Variants in PCDH11X observed in about 807,000 individuals in gnomAD.
PCDH11X encodes protocadherin-11 X-linked.
A neutral mutation model predicts 53.3 loss-of-function variants in PCDH11X; 18 were observed. The observed-to-expected ratio is 0.34, with a 90% CI of 0.23 to 0.50. The LOEUF (loss-of-function observed/expected upper bound fraction) is 0.50. Among genes scored for constraint, PCDH11X ranks in the 20% least tolerant of loss-of-function variants. The probability of loss-of-function intolerance (pLI) is 0.98; values close to 1 mark genes in which losing one functional copy is unlikely to be tolerated. For missense variants in PCDH11X, 570 were observed against 1,032.4 expected (o/e 0.55, Z 6.14); for synonymous variants, 279 against 393.3 (o/e 0.71, Z 3.44).
In PCDH11X at chrX:92,256,673, A is replaced by G. The variant is rs184746687; in HGVS notation, c.3115-6441A>G. Reference sequence around the variant, plus strand: ...ATCTCATTACCTAAATAGTAAGTTCAGCATCCATTAGCTATTCTTCTTGAT... The same window carrying G: ...ATCTCATTACCTAAATAGTAAGTTCGGCATCCATTAGCTATTCTTCTTGAT... On this transcript the variant is annotated intron_variant, in intron 7 of 10. Transcript: ENST00000682573. 9.0e-5 allele frequency among the ~76,000 whole-genome samples: 10 copies of G among 111,326 alleles called. 1 individual carries two copies. Among genetic ancestry groups the G allele is most frequent in the African/African-American group, 1.6e-4 (5 of 30,615 alleles).
At chrX:92,610,117 TGA>T (rs1340636227) in intron 10 of PCDH11X, among the ~76,000 whole-genome samples, 2 of 111,668 alleles carry the variant, frequency 1.8e-5, no homozygotes, top group African/African-American at 6.5e-5. Flanking sequence ...TACTCAGTAA[TGA>T]GAGTTTCTGG....
chrX:92,574,628 C>T (rs985634501), intron 10 of PCDH11X, among the ~76,000 whole-genome samples: 1 of 111,251 alleles, frequency 9.0e-6, no homozygotes, highest in Non-Finnish European at 1.9e-5. Flanking sequence ...AAATGCCCTT[C>T]AAGTATTTTT....
intron 6 of PCDH11X, among the ~76,000 whole-genome samples, chrX:91,946,487 T>C (rs1168949259): frequency 3.2e-5 from 3 of 94,114 alleles, no homozygotes; most frequent in Non-Finnish European, 4.2e-5. Context: ...ATAAAAAATA[T>C]AAGAAAGCTG....
chrX:92,570,526 T>A (rs1010657969), intron 10 of PCDH11X, among the ~76,000 whole-genome samples: 3 of 106,747 alleles, frequency 2.8e-5, no homozygotes, highest in African/African-American at 1.0e-4. Flanking sequence ...CTCTTCACTG[T>A]ATGCAAAAGT....
At chrX:92,264,995 G>A (rs2067796390) in intron 8 of PCDH11X, among the ~76,000 whole-genome samples, 1 of 107,067 alleles carries the variant, frequency 9.3e-6, no homozygotes, top group African/African-American at 3.4e-5. Flanking sequence ...AAATCTGCAA[G>A]GATCTCAAAA....
At chrX:91,812,790 A>G (rs1936332813) in intron 4 of PCDH11X, among the ~76,000 whole-genome samples, 1 of 110,832 alleles carries the variant, frequency 9.0e-6, no homozygotes, top group Non-Finnish European at 1.9e-5. Context: ...CTCTGCTCCT[A>G]CCAGTTTCCC....
At chrX:92,086,818 G>A (rs1017373002) in intron 6 of PCDH11X, among the ~76,000 whole-genome samples, 24 of 109,839 alleles carry the variant, frequency 2.2e-4, no homozygotes, top group Non-Finnish European at 4.0e-4. Context: ...TACTTTTGAG[G>A]GTAAACAGCC....
chrX:92,144,743 G>T (rs773551357), intron 6 of PCDH11X, among the ~76,000 whole-genome samples: 33 of 109,733 alleles, frequency 3.0e-4, no homozygotes, highest in Non-Finnish European at 5.3e-4. Flanking sequence ...ATTTAGCTCT[G>T]AATTTTTCTT....
rs3865941 is a variant in PCDH11X at position 92,619,408 on chromosome X, T to C, written c.*468T>C. The C allele has an allele frequency of 0.24, 33,220 of 137,691 alleles. 3,350 individuals are homozygous for C. Among genetic ancestry groups the C allele is most frequent in the African/African-American group, 0.37 (11,096 of 30,329 alleles). 11.3% of individuals were successfully genotyped at this position (137,691 alleles called of 1,213,427 possible). A position where few individuals can be genotyped will look rare whatever the true frequency, so the allele number is the denominator to read the frequency against. ...CGTACTCTAGCCTTTTTTTGGGCTT[T>C]CTTTTTGATTTTTGTTTGTTGTTTT... On this transcript the variant is annotated 3_prime_UTR_variant, in exon 11 of 11. Coordinates refer to ENST00000682573, the MANE Select transcript of PCDH11X (RefSeq NM_032968.5).
chrX:91,968,933 C>T (rs1005976177), intron 6 of PCDH11X, among the ~76,000 whole-genome samples: 2 of 111,412 alleles, frequency 1.8e-5, no homozygotes, highest in Admixed American at 9.6e-5. Context: ...AAAAAAGGCA[C>T]GTCTTAATTT....
intron 6 of PCDH11X, among the ~76,000 whole-genome samples, chrX:91,960,976 G>C (rs1490893444): frequency 3.0e-5 from 3 of 99,646 alleles, no homozygotes; most frequent in Non-Finnish European, 6.1e-5. Context: ...GCACCATATT[G>C]TTTTGTTTAC....
intron 6 of PCDH11X, among the ~76,000 whole-genome samples, chrX:92,104,461 C>T (rs958904835): frequency 9.0e-6 from 1 of 110,792 alleles, no homozygotes; most frequent in African/African-American, 3.3e-5. Flanking sequence ...ACGTCAGGCA[C>T]CTCAGACCAT....
chrX:92,521,992 A>G (rs1331929258), intron 10 of PCDH11X, among the ~76,000 whole-genome samples: 1 of 112,385 alleles, frequency 8.9e-6, no homozygotes, highest in Non-Finnish European at 1.9e-5. Flanking sequence ...TCTTCTGTTC[A>G]GACCACTAAA....
At chrX:92,219,408 C>A (rs1603202133) in intron 7 of PCDH11X, among the ~76,000 whole-genome samples, 1 of 110,933 alleles carries the variant, frequency 9.0e-6, no homozygotes, top group East Asian at 2.8e-4. Flanking sequence ...CAATAACAGA[C>A]AAACAGAGAC....
chrX:92,288,620 C>T (rs1472240526), intron 8 of PCDH11X, among the ~76,000 whole-genome samples: 9 of 110,859 alleles, frequency 8.1e-5, no homozygotes, highest in Admixed American at 6.8e-4. Context: ...CAAGGTAGGA[C>T]GTCATTTCTT....
At chrX:92,496,769 CTAAG>C (rs1228553556) in intron 10 of PCDH11X, among the ~76,000 whole-genome samples, 1 of 108,763 alleles carries the variant, frequency 9.2e-6, no homozygotes, top group Non-Finnish European at 1.9e-5. Context: ...CGCAGGTATG[CTAAG>C]TAACTAACTT....
chrX:92,603,444 A>G (rs923897411), intron 10 of PCDH11X, among the ~76,000 whole-genome samples: 4 of 106,327 alleles, frequency 3.8e-5, no homozygotes, highest in African/African-American at 1.4e-4. Context: ...TAAATTTCTC[A>G]ATTTGATAAA....
chrX:92,429,957 G>A (rs1419247457), intron 9 of PCDH11X, among the ~76,000 whole-genome samples: 1 of 109,316 alleles, frequency 9.1e-6, no homozygotes, highest in African/African-American at 3.3e-5. Context: ...TGCTCCATAT[G>A]AGAACATGAG....
chrX:92,619,749 G>A lies in PCDH11X; in HGVS notation c.*809G>A, dbSNP rs1272754331. The A allele has an allele frequency of 5.4e-5, 6 of 111,083 alleles. No homozygotes were observed. The highest frequency in any genetic ancestry group is 3.9e-4 in the Admixed American group (4 of 10,303). The allele number at this position is 111,083 out of a possible 1,213,427, so 9.2% of individuals were successfully genotyped here. ...TGTAAAGTACATCAGAAATAAAGCT[G>A]TATCTGCCATTTTAAGCCTGTAGTC... On this transcript the variant is annotated 3_prime_UTR_variant, in exon 11 of 11. Coordinates refer to ENST00000682573, the MANE Select transcript of PCDH11X (RefSeq NM_032968.5).
Sources: allele counts gnomAD v4.1 joint callset (sites outside exome capture counted in the v4.1 genomes callset), GRCh38; gene constraint gnomAD v4.1.1; transcripts MANE v1.5; gene names NCBI Gene and HGNC (gene_info 2026-07-23, HGNC 2026-07-21).